The following NLRC4 variants were observed in gnomAD, a reference collection of about 807,000 sequenced individuals.
The protein encoded by NLRC4 is NLR family CARD domain containing 4.
Under a neutral mutation model 79.9 loss-of-function variants are expected in NLRC4, and 63 were observed. That is an observed-to-expected ratio of 0.79 (90% CI 0.64 to 0.97). The LOEUF is 0.97. Ranked by LOEUF, NLRC4 falls within the 50% of genes least tolerant of loss-of-function variation. NLRC4 has a pLI of 0.00. For synonymous variants in NLRC4, 461 were observed against 456.5 expected (o/e 1.01, Z -0.12); for missense variants, 1,074 against 1,215.2 (o/e 0.88, Z 1.73).
At chr2:32,242,740 A>G (rs1686834093) in intron 4 of NLRC4, among the ~76,000 whole-genome samples, 1 of 152,176 alleles carries the variant, frequency 6.6e-6, no homozygotes, top group Non-Finnish European at 1.5e-5. Flanking sequence ...GAAAACCAGA[A>G]AAAGACGTAG....
intron 8 of NLRC4, among the ~76,000 whole-genome samples, chr2:32,231,578 G>GGC (rs974884287): frequency 2.6e-5 from 3 of 114,946 alleles, no homozygotes; most frequent in African/African-American, 9.6e-5. Context: ...TTTTTGTGGG[G>GGC]GGGGGGTGGG....
At chr2:32,231,966 C>G (rs1686549254) in intron 8 of NLRC4, among the ~76,000 whole-genome samples, 1 of 152,160 alleles carries the variant, frequency 6.6e-6, no homozygotes, top group African/African-American at 2.4e-5. Flanking sequence ...ATGACGATTT[C>G]TCACAATCAC....
intron 4 of NLRC4, among the ~76,000 whole-genome samples, chr2:32,247,431 C>T (rs1686964038): frequency 6.6e-6 from 1 of 150,982 alleles, no homozygotes. Flanking sequence ...TCTCCTGCCT[C>T]AGCCTCCCGA....
At chr2:32,257,772 G>T (rs1687242969) in intron 1 of NLRC4, among the ~76,000 whole-genome samples, 1 of 152,034 alleles carries the variant, frequency 6.6e-6, no homozygotes, top group African/African-American at 2.4e-5. Context: ...GCTTGCGATG[G>T]GGGTGTGGCT....
chr2:32,230,542 G>A (rs1360606333), intron 8 of NLRC4, among the ~76,000 whole-genome samples: 3 of 149,790 alleles, frequency 2.0e-5, no homozygotes, highest in Non-Finnish European at 3.0e-5. Context: ...CGCGATCTTG[G>A]CTCACTGCAG....
chr2:32,241,148 ACT>A lies in NLRC4; in HGVS notation c.2258-25_2258-24del, dbSNP rs780390222. ...CACCTGTCAAAAGAAAAAAGATTGG[ACT>A]CTTTCAGCAGATATTTGCTATTTAC... On this transcript the variant is annotated intron_variant, in intron 4 of 8. Transcript: ENST00000402280. 2.9e-6 allele frequency: 4 copies of A among 1,387,644 alleles called. No homozygotes were observed. In the East Asian group the frequency reaches 9.2e-5, roughly 32 times the overall value. 86.0% of individuals were successfully genotyped at this position (1,387,644 alleles called of 1,614,324 possible).
At chr2:32,228,369 C>G (rs1164691073) in intron 8 of NLRC4, among the ~76,000 whole-genome samples, 1 of 152,102 alleles carries the variant, frequency 6.6e-6, no homozygotes, top group African/African-American at 2.4e-5. Flanking sequence ...TTTTGCTTGC[C>G]CAATCACCCC....
In NLRC4 at chr2:32,250,763, A is replaced by G. The variant is rs768632369; in HGVS notation, c.1101T>C (p.Tyr367=). 4.3e-6 allele frequency: 7 copies of G among 1,614,076 alleles called. No homozygotes were observed. The Admixed American group carries it at 6.7e-5, about 15-fold the overall frequency. ...GTTTGTTTTTCTGTATCAACAGATC[A>G]TAGAAGGTATGGAACAGCGTTGTTT... ...HTQTTLFHTF[Y]DLLIQKNKHK... is the part of the protein sequence containing the mutation. Residue 367 remains tyrosine (Y), a synonymous_variant, in exon 4 of 9, where the codon TAT becomes TAC. Coordinates refer to ENST00000402280, the MANE Select transcript of NLRC4 (RefSeq NM_001199138.2). The surrounding 1 kb of genome is among the most constrained non-coding windows in gnomAD (Gnocchi z 4.9).
intron 5 of NLRC4, among the ~76,000 whole-genome samples, chr2:32,239,423 T>A (rs1573479036): frequency 6.6e-6 from 1 of 152,210 alleles, no homozygotes; most frequent in South Asian, 2.1e-4. Flanking sequence ...AAATGTTCAT[T>A]GTTGTCATGG....
intron 8 of NLRC4, among the ~76,000 whole-genome samples, chr2:32,232,204 G>T (rs184636505): frequency 4.3e-4 from 65 of 152,276 alleles, no homozygotes; most frequent in African/African-American, 1.6e-3. Flanking sequence ...GACCAAGGTA[G>T]TGTCAACAGC....
chr2:32,258,569 T>C (rs145991867), intron 1 of NLRC4, among the ~76,000 whole-genome samples: 1 of 152,232 alleles, frequency 6.6e-6, no homozygotes, highest in African/African-American at 2.4e-5. Flanking sequence ...AAAAAAGGAG[T>C]TATGCTTCCA....
At chr2:32,261,316 C>CCTTTTT in intron 1 of NLRC4, among the ~76,000 whole-genome samples, 2 of 96,884 alleles carry the variant, frequency 2.1e-5, no homozygotes, top group East Asian at 2.5e-4. Context: ...AGCCTCCCCC[C>CCTTTTT]TTTTGTTTTT....
chr2:32,260,901 C>G (rs776011894), intron 1 of NLRC4, among the ~76,000 whole-genome samples: 7 of 152,098 alleles, frequency 4.6e-5, no homozygotes, highest in Non-Finnish European at 8.8e-5. Flanking sequence ...TCTATAAAAC[C>G]CCATGCATTG....
chr2:32,261,695 C>T (rs1218025388), intron 1 of NLRC4, among the ~76,000 whole-genome samples: 1 of 152,010 alleles, frequency 6.6e-6, no homozygotes. Flanking sequence ...GTATTTACCC[C>T]AATGATGCTG....
Position 32,250,184 on chromosome 2 carries a change from A to G in NLRC4, c.1680T>C (p.His560=). 5 of 1,614,248 alleles carry G rather than the reference A, an allele frequency of 3.1e-6. No homozygotes were observed. Among genetic ancestry groups the G allele is most frequent in the South Asian group, 1.1e-5 (1 of 91,088 alleles). The change falls in exon 4 of 9, where the codon CAT becomes CAC. Residue 560 remains histidine, a synonymous_variant. Transcript: ENST00000402280. This position sits in a 1 kb window ranked among gnomAD's most constrained non-coding sequence, Gnocchi z 4.9. The part of the protein sequence containing the change: ...NINSFVECGI[H]LYQESTSKSA... ...ATTTGGATGTACTCTCTTGATATAA[A>G]TGGATGCCACACTCTACAAAGGAAT...
At chr2:32,254,131 A>G (rs1047690510) in intron 2 of NLRC4, among the ~76,000 whole-genome samples, 2 of 151,910 alleles carry the variant, frequency 1.3e-5, no homozygotes, top group Non-Finnish European at 2.9e-5. Context: ...GCTAACAAAA[A>G]TCCTGAAAAT....
intron 8 of NLRC4, among the ~76,000 whole-genome samples, chr2:32,231,072 T>G (rs1020063766): frequency 1.3e-5 from 2 of 152,220 alleles, no homozygotes; most frequent in African/African-American, 4.8e-5. Flanking sequence ...TTTACATATC[T>G]TCCTTGGTGA....
intron 4 of NLRC4, 83 bp downstream of exon 4, chr2:32,249,524 A>C: frequency 1.0e-6 from 1 of 998,974 alleles, no homozygotes; most frequent in Non-Finnish European, 1.5e-6. Context: ...GAAGAAATAA[A>C]GTCTCCTCTC....
intron 4 of NLRC4, among the ~76,000 whole-genome samples, chr2:32,241,369 C>CTTTT (rs34150887): frequency 8.1e-4 from 60 of 74,356 alleles, no homozygotes; most frequent in African/African-American, 1.3e-3. Context: ...AAAAAATTTC[C>CTTTT]TTTTTTTTTT....
Sources: allele counts gnomAD v4.1 joint callset (sites outside exome capture counted in the v4.1 genomes callset), GRCh38; gene constraint gnomAD v4.1.1; non-coding constraint Gnocchi (gnomAD v3.1); transcripts MANE v1.5; gene names NCBI Gene and HGNC (gene_info 2026-07-23, HGNC 2026-07-21).